The following SDK1 variants were observed in gnomAD, a reference collection of about 807,000 sequenced individuals.
SDK1 encodes the protein sidekick cell adhesion molecule 1, also known as protein sidekick-1.
Under a neutral mutation model 245.5 loss-of-function variants are expected in SDK1, and 157 were observed. The observed-to-expected ratio is 0.64, with a 90% CI of 0.56 to 0.73. The LOEUF (loss-of-function observed/expected upper bound fraction) is 0.73. SDK1 is among the 30% of genes least tolerant of loss of function. The pLI, the probability that SDK1 is intolerant of heterozygous loss-of-function variation, is 0.00. For missense variants in SDK1, 3,583 were observed against 3,002.3 expected, an observed-to-expected ratio of 1.19 and a Z score of -4.52; for synonymous variants, 1,647 against 1,278.5, an observed-to-expected ratio of 1.29 and a Z score of -6.15.
At chr7:3,852,358 C>T (rs992953526) in intron 5 of SDK1, among the ~76,000 whole-genome samples, 2 of 151,854 alleles carry the variant, frequency 1.3e-5, no homozygotes, top group African/African-American at 2.4e-5. Flanking sequence ...CTGTGGGTAC[C>T]GTGCTGTCAC....
At chr7:4,229,415 A>G (rs976287342) in intron 40 of SDK1, among the ~76,000 whole-genome samples, 11 of 152,196 alleles carry the variant, frequency 7.2e-5, no homozygotes, top group African/African-American at 1.4e-4. Context: ...CCCTCACCCA[A>G]CATTTTTGAG....
Position 3,835,087 on chromosome 7 carries a change from C to T in SDK1, c.847+13504C>T, listed in dbSNP as rs1780000705. ...TCAAGACTCTTGAGACTTCACATATCACAGTTGATCAAATGTTATCTCTAG... is the reference window on the plus strand; with the variant it reads ...TCAAGACTCTTGAGACTTCACATATTACAGTTGATCAAATGTTATCTCTAG... On this transcript the variant is annotated intron_variant, in intron 5 of 44. Transcript: ENST00000404826. Among the ~76,000 whole-genome samples, 4 of 152,162 alleles carry T rather than the reference C, an allele frequency of 2.6e-5. 1 individual carries two copies. The South Asian group carries it at 8.3e-4, about 32-fold the overall frequency.
At chr7:3,464,738 C>G (rs1009278342) in intron 1 of SDK1, among the ~76,000 whole-genome samples, 1 of 147,688 alleles carries the variant, frequency 6.8e-6, no homozygotes, top group South Asian at 2.1e-4. Flanking sequence ...ATATAAAGTA[C>G]TTTGGCAGAA....
chr7:3,555,282 C>A (rs903402831), intron 1 of SDK1, among the ~76,000 whole-genome samples: 2 of 152,124 alleles, frequency 1.3e-5, no homozygotes, highest in Non-Finnish European at 2.9e-5. Context: ...AATCTATACA[C>A]CTACAGTGAA....
intron 1 of SDK1, among the ~76,000 whole-genome samples, chr7:3,434,372 T>G (rs1779958047): frequency 6.6e-6 from 1 of 152,210 alleles, no homozygotes; most frequent in Non-Finnish European, 1.5e-5. Context: ...TTTACTTAGG[T>G]GTCCTCCCTG....
intron 4 of SDK1, among the ~76,000 whole-genome samples, chr7:3,796,371 G>A (rs1023734653): frequency 1.3e-5 from 2 of 152,206 alleles, no homozygotes; most frequent in Non-Finnish European, 2.9e-5. Flanking sequence ...GGAAGGTAAA[G>A]GGCATAGCAG....
chr7:4,111,938 G>C lies in SDK1; in HGVS notation c.3434+1166G>C, dbSNP rs138652889. On this transcript the variant is annotated intron_variant, in intron 23 of 44. Coordinates refer to ENST00000404826, the MANE Select transcript of SDK1 (RefSeq NM_152744.4). ...CCTTCATTTTATAGTTAAGGAAACG[G>C]AGATCATCTGATTTGCTGTAAGTCT... Among the ~76,000 whole-genome samples, 384 of 152,248 alleles carry C rather than the reference G, an allele frequency of 2.5e-3. 5 individuals are homozygous for C. Among genetic ancestry groups the C allele is most frequent in the African/African-American group, 9.0e-3 (373 of 41,544 alleles).
intron 13 of SDK1, among the ~76,000 whole-genome samples, chr7:3,981,570 T>C (rs1004056300): frequency 2.0e-5 from 3 of 152,192 alleles, no homozygotes; most frequent in Admixed American, 1.3e-4. Context: ...GGGAAAGTTA[T>C]TGAAGGACAT....
chr7:4,172,576 A>C (rs1331593541), intron 32 of SDK1, among the ~76,000 whole-genome samples: 1 of 152,162 alleles, frequency 6.6e-6, no homozygotes, highest in East Asian at 1.9e-4. Flanking sequence ...TTTGGATTGC[A>C]AGGATGTGTT....
chr7:3,405,181 A>C (rs551579294), intron 1 of SDK1, among the ~76,000 whole-genome samples: 65 of 151,564 alleles, frequency 4.3e-4, no homozygotes, highest in African/African-American at 1.2e-3. Context: ...CAAAAACAAA[A>C]ACAAAAAACA....
At chr7:3,712,730 G>C (rs181985678) in intron 4 of SDK1, among the ~76,000 whole-genome samples, 196 of 152,282 alleles carry the variant, frequency 1.3e-3, no homozygotes, top group African/African-American at 4.6e-3. Flanking sequence ...TTAGAGAAAT[G>C]GGTACAAGAG....
intron 1 of SDK1, among the ~76,000 whole-genome samples, chr7:3,432,131 A>G (rs997755825): frequency 1.4e-5 from 2 of 147,870 alleles, no homozygotes; most frequent in East Asian, 3.9e-4. Flanking sequence ...AAAAATATAT[A>G]TATGTATTTT....
chr7:3,753,940 A>C (rs1283757639), intron 4 of SDK1, among the ~76,000 whole-genome samples: 2 of 152,254 alleles, frequency 1.3e-5, no homozygotes, highest in African/African-American at 4.8e-5. Flanking sequence ...AAGTAGAATG[A>C]AAAATAATTA....
chr7:3,476,840 G>A (rs930785854), intron 1 of SDK1, among the ~76,000 whole-genome samples: 17 of 152,136 alleles, frequency 1.1e-4, no homozygotes, highest in Admixed American at 7.2e-4. Context: ...TCTAACTAGC[G>A]GGTGGTATTC....
intron 4 of SDK1, among the ~76,000 whole-genome samples, chr7:3,722,567 C>T (rs1370001726): frequency 6.6e-6 from 1 of 152,158 alleles, no homozygotes; most frequent in African/African-American, 2.4e-5. Flanking sequence ...GGTCCAGGAG[C>T]TCCTTAGGGA....
At chr7:3,641,242 A>G (rs1583260260) in intron 3 of SDK1, among the ~76,000 whole-genome samples, 1 of 152,130 alleles carries the variant, frequency 6.6e-6, no homozygotes, top group African/African-American at 2.4e-5. Context: ...TTGTATATAT[A>G]TTTACATCTG....
rs74482907 is a variant in SDK1, at chr7:3,953,126, C to T, written c.1150+1206C>T. On this transcript the variant is annotated intron_variant, in intron 7 of 44. Transcript: ENST00000404826. ...TCAAATAAGAAAACCCTCAGAGAGC[C>T]CCTTAAATAAAAAAATTTGCAGTCT... 4.9e-3 allele frequency among the ~76,000 whole-genome samples: 737 copies of T among 151,520 alleles called. 6 individuals are homozygous for T. Among genetic ancestry groups the T allele is most frequent in the African/African-American group, 0.017 (695 of 41,238 alleles).
intron 1 of SDK1, among the ~76,000 whole-genome samples, chr7:3,583,883 G>A (rs1780597923): frequency 6.6e-6 from 1 of 152,120 alleles, no homozygotes; most frequent in Non-Finnish European, 1.5e-5. Flanking sequence ...AAGAAAGCAT[G>A]GGACTTTGTG....
intron 22 of SDK1, among the ~76,000 whole-genome samples, chr7:4,103,010 T>C (rs1782665586): frequency 6.6e-6 from 1 of 151,192 alleles, no homozygotes; most frequent in African/African-American, 2.4e-5. Flanking sequence ...CACAGAGCTT[T>C]TTTTTTTGGA....
Sources: allele counts gnomAD v4.1 joint callset (sites outside exome capture counted in the v4.1 genomes callset), GRCh38; gene constraint gnomAD v4.1.1; transcripts MANE v1.5; gene names NCBI Gene and HGNC (gene_info 2026-07-23, HGNC 2026-07-21).